NRG3: variants seen among roughly 807,000 people sequenced by gnomAD.
The protein encoded by NRG3 is neuregulin 3.
NRG3 carries 31 observed loss-of-function variants against 66.9 expected under a neutral mutation model. The ratio of observed to expected loss-of-function variants is 0.46; its 90% CI spans 0.35 to 0.63. The LOEUF (loss-of-function observed/expected upper bound fraction) is 0.63. NRG3 is among the 20% of genes least tolerant of loss of function. The pLI is 0.00. For missense variants in NRG3, 910 were observed against 878.9 expected (o/e 1.04, Z -0.45); for synonymous variants, 393 against 359.4 (o/e 1.09, Z -1.06).
At chr10:82,015,215 A>G (rs2061733260) in intron 1 of NRG3, among the ~76,000 whole-genome samples, 1 of 152,174 alleles carries the variant, frequency 6.6e-6, no homozygotes, top group African/African-American at 2.4e-5. Flanking sequence ...TCTAAAAAAG[A>G]AAGTATGATA....
intron 2 of NRG3, among the ~76,000 whole-genome samples, chr10:82,448,204 G>A (rs1753653030): frequency 6.6e-6 from 1 of 152,144 alleles, no homozygotes; most frequent in South Asian, 2.1e-4. Context: ...TTTTACTAGG[G>A]AAATGTATAA....
chr10:82,227,177 T>C (rs2076208414), intron 1 of NRG3, among the ~76,000 whole-genome samples: 1 of 152,148 alleles, frequency 6.6e-6, no homozygotes, highest in African/African-American at 2.4e-5. Flanking sequence ...TTGGGCTGTT[T>C]GTATCTTGGT....
At chr10:82,650,292 A>C (rs1482301151) in intron 2 of NRG3, among the ~76,000 whole-genome samples, 1 of 152,206 alleles carries the variant, frequency 6.6e-6, no homozygotes, top group Non-Finnish European at 1.5e-5. Context: ...CTAGGCTGCT[A>C]TTCATTAAGG....
intron 1 of NRG3, among the ~76,000 whole-genome samples, chr10:82,165,080 A>G (rs755512108): frequency 4.6e-5 from 7 of 152,180 alleles, no homozygotes; most frequent in Admixed American, 2.6e-4. Context: ...ATATTTTTAT[A>G]TAAGTACTAT....
intron 1 of NRG3, among the ~76,000 whole-genome samples, chr10:82,348,741 A>G (rs889360363): frequency 4.6e-5 from 7 of 151,106 alleles, no homozygotes; most frequent in African/African-American, 1.5e-4. Flanking sequence ...ACATAGTCCC[A>G]TATTTCTTGG....
intron 1 of NRG3, among the ~76,000 whole-genome samples, chr10:82,146,730 A>C (rs991198690): frequency 6.6e-6 from 1 of 152,112 alleles, no homozygotes; most frequent in Admixed American, 6.6e-5. Flanking sequence ...AGAGTAACCC[A>C]TTACCTGTCT....
At chr10:82,591,949 G>A (rs564133466) in intron 2 of NRG3, among the ~76,000 whole-genome samples, 1 of 152,268 alleles carries the variant, frequency 6.6e-6, no homozygotes, top group South Asian at 2.1e-4. Context: ...GAGAACTCTA[G>A]TTTTTCTCCA....
intron 2 of NRG3, among the ~76,000 whole-genome samples, chr10:82,596,914 T>C (rs1039217432): frequency 6.6e-6 from 1 of 152,190 alleles, no homozygotes; most frequent in Non-Finnish European, 1.5e-5. Context: ...ACCTGTCTCA[T>C]TTTTGAGGAA....
intron 2 of NRG3, among the ~76,000 whole-genome samples, chr10:82,677,538 C>G (rs986107354): frequency 2.0e-5 from 3 of 152,084 alleles, no homozygotes; most frequent in Non-Finnish European, 4.4e-5. Flanking sequence ...CTTTTCTTCT[C>G]TTATGGCCAT....
chr10:82,266,229 G>A (rs577559682), intron 1 of NRG3, among the ~76,000 whole-genome samples: 4 of 152,152 alleles, frequency 2.6e-5, no homozygotes, highest in Non-Finnish European at 5.9e-5. Context: ...GAGCCTATTG[G>A]TCTCAGTTAT....
chr10:82,943,344 T>G (rs1055017147), intron 4 of NRG3, among the ~76,000 whole-genome samples: 2 of 152,158 alleles, frequency 1.3e-5, no homozygotes, highest in African/African-American at 4.8e-5. Flanking sequence ...ACCACACTGC[T>G]CCTTGAGTGG....
chr10:82,439,667 T>G (rs1248343101), intron 2 of NRG3, among the ~76,000 whole-genome samples: 1 of 152,022 alleles, frequency 6.6e-6, no homozygotes. Context: ...TAATTGTGAA[T>G]GGGAAGTCCT....
At chr10:82,294,945 G>C (rs1248084241) in intron 1 of NRG3, among the ~76,000 whole-genome samples, 1 of 151,956 alleles carries the variant, frequency 6.6e-6, no homozygotes, top group Non-Finnish European at 1.5e-5. Flanking sequence ...GCATTACTAA[G>C]AGCAATAAAA....
intron 2 of NRG3, among the ~76,000 whole-genome samples, chr10:82,556,537 T>G (rs1259486329): frequency 6.6e-6 from 1 of 152,202 alleles, no homozygotes; most frequent in Admixed American, 6.5e-5. Context: ...CAATGGCATC[T>G]GCCCTTCTTC....
At chr10:82,603,615 G>GT (rs780192634) in intron 2 of NRG3, among the ~76,000 whole-genome samples, 68 of 152,068 alleles carry the variant, frequency 4.5e-4, no homozygotes, top group Admixed American at 2.8e-3. Flanking sequence ...AATGTTTGGT[G>GT]TGCAAGCGTA....
chr10:81,910,127 G>A (rs984234215), intron 1 of NRG3, among the ~76,000 whole-genome samples: 2 of 152,130 alleles, frequency 1.3e-5, no homozygotes, highest in African/African-American at 4.8e-5. Flanking sequence ...AGCATTTTAA[G>A]GTCAAAATTT....
chr10:82,446,602 A>G (rs1445015666), intron 2 of NRG3, among the ~76,000 whole-genome samples: 1 of 152,146 alleles, frequency 6.6e-6, no homozygotes, highest in Non-Finnish European at 1.5e-5. Flanking sequence ...ACATGGACAC[A>G]TTGGGGAGAA....
chr10:82,019,559 T>A (rs1361493751), intron 1 of NRG3, among the ~76,000 whole-genome samples: 1 of 152,190 alleles, frequency 6.6e-6, no homozygotes, highest in Non-Finnish European at 1.5e-5. Flanking sequence ...TGTGAATCCA[T>A]CTGGTCCTGG....
chr10:82,055,872 G>T (rs17728852), intron 1 of NRG3, among the ~76,000 whole-genome samples: 36,665 of 152,072 alleles, frequency 0.24, 4,551 homozygotes, highest in Middle Eastern at 0.33. Context: ...ATTAAGGAGT[G>T]AAATGCATGG....
Sources: gnomAD v4.1 joint callset for allele counts (sites outside exome capture counted in the v4.1 genomes callset) on GRCh38, gnomAD v4.1.1 for gene constraint, MANE v1.5 for transcripts, NCBI Gene and HGNC (gene_info 2026-07-23, HGNC 2026-07-21) for gene names.